Variants in PPFIA2 observed in about 807,000 individuals in gnomAD.
PPFIA2 encodes liprin-alpha-2.
In PPFIA2, 46 loss-of-function variants were observed where a neutral mutation model predicts 175.5. That is an observed-to-expected ratio of 0.26 (90% confidence interval 0.21 to 0.34). The LOEUF is 0.34. Ranked by LOEUF, PPFIA2 falls within the 10% of genes least tolerant of loss-of-function variation. The probability of loss-of-function intolerance (pLI) is 1.00; values close to 1 mark genes in which losing one functional copy is unlikely to be tolerated. For missense variants in PPFIA2, 1,179 were observed against 1,506.1 expected (o/e 0.78, Z 3.60); for synonymous variants, 568 against 511.4 (o/e 1.11, Z -1.49).
At chr12:81,376,395 C>G (rs905812990) in intron 9 of PPFIA2, among the ~76,000 whole-genome samples, 22 of 148,970 alleles carry the variant, frequency 1.5e-4, no homozygotes, top group African/African-American at 5.3e-4. Flanking sequence ...GAAAGAGGAA[C>G]TCTGTGGTTA....
chr12:81,489,124 A>G (rs1178627663), intron 4 of PPFIA2, among the ~76,000 whole-genome samples: 2 of 151,820 alleles, frequency 1.3e-5, no homozygotes, highest in East Asian at 3.9e-4. Flanking sequence ...AACTACAGTA[A>G]TTGGAATTAT....
chr12:81,691,768 G>A (rs766277117), intron 3 of PPFIA2, among the ~76,000 whole-genome samples: 50 of 152,076 alleles, frequency 3.3e-4, no homozygotes, highest in Non-Finnish European at 6.6e-4. Context: ...AAGGAGATAA[G>A]TAACTTTTGA....
chr12:81,285,852 T>C (rs2137242250), intron 24 of PPFIA2, among the ~76,000 whole-genome samples: 1 of 152,224 alleles, frequency 6.6e-6, no homozygotes, highest in African/African-American at 2.4e-5. Flanking sequence ...CCTCTACTTT[T>C]GTTTTTTAAA....
At chr12:81,290,631 A>G (rs1328427861) in intron 24 of PPFIA2, among the ~76,000 whole-genome samples, 1 of 151,884 alleles carries the variant, frequency 6.6e-6, no homozygotes. Context: ...ATTAATATAA[A>G]TACCAGATTA....
chr12:81,641,325 T>C (rs2064940154), intron 4 of PPFIA2, among the ~76,000 whole-genome samples: 2 of 152,196 alleles, frequency 1.3e-5, no homozygotes, highest in Non-Finnish European at 1.5e-5. Flanking sequence ...TTGATTATTA[T>C]CTCACCATAT....
At chr12:81,719,328 AAG>A (rs2079039332) in intron 3 of PPFIA2, among the ~76,000 whole-genome samples, 1 of 151,574 alleles carries the variant, frequency 6.6e-6, no homozygotes, top group Admixed American at 6.6e-5. Flanking sequence ...GTTTTCTTGA[AAG>A]AGAATTTCTT....
chr12:81,332,663 T>C (rs2056365587), intron 21 of PPFIA2, among the ~76,000 whole-genome samples: 1 of 152,222 alleles, frequency 6.6e-6, no homozygotes, highest in Admixed American at 6.5e-5. Flanking sequence ...AATAATCGTA[T>C]TTTTAATTTC....
At chr12:81,576,787 C>G (rs2073632981) in intron 4 of PPFIA2, among the ~76,000 whole-genome samples, 1 of 151,702 alleles carries the variant, frequency 6.6e-6, no homozygotes, top group Admixed American at 6.6e-5. Flanking sequence ...AATTGGAAAG[C>G]ATTTTAAAAC....
At chr12:81,473,146 G>A (rs545743263) in intron 4 of PPFIA2, among the ~76,000 whole-genome samples, 3 of 152,214 alleles carry the variant, frequency 2.0e-5, no homozygotes, top group African/African-American at 7.2e-5. Flanking sequence ...GGTGACTCAC[G>A]CCTGTAATCC....
chr12:81,289,162 C>T (rs1009724156), intron 24 of PPFIA2, among the ~76,000 whole-genome samples: 2 of 151,752 alleles, frequency 1.3e-5, no homozygotes, highest in African/African-American at 2.4e-5. Flanking sequence ...ACATGTAAAG[C>T]GCTTAGAACA....
In PPFIA2 at chr12:81,753,690, C is replaced by G. The variant is rs2084206659; in HGVS notation, c.249+283G>C. Among the ~76,000 whole-genome samples, 4 of 152,202 alleles carry G rather than the reference C, an allele frequency of 2.6e-5. No individual in the cohort carries two copies. The South Asian group carries it at 8.3e-4, about 32-fold the overall frequency. On this transcript the variant is annotated intron_variant, in intron 3 of 32. Coordinates refer to ENST00000549396, the MANE Select transcript of PPFIA2 (RefSeq NM_003625.5). ...ACATTCTGGTCATTAAAAGCTGATC[C>G]ACAAGTGGTTTTCTACCTCCCTAAA...
intron 22 of PPFIA2, among the ~76,000 whole-genome samples, chr12:81,305,378 T>G (rs2048896523): frequency 6.6e-6 from 1 of 152,182 alleles, no homozygotes; most frequent in Non-Finnish European, 1.5e-5. Flanking sequence ...ACTATATAAC[T>G]CAGTAAACAT....
At chr12:81,271,412 A>G (rs1356154071) in intron 28 of PPFIA2, among the ~76,000 whole-genome samples, 1 of 152,170 alleles carries the variant, frequency 6.6e-6, no homozygotes, top group Non-Finnish European at 1.5e-5. Context: ...CTGGGACTAC[A>G]GGCATGCGCC....
intron 3 of PPFIA2, among the ~76,000 whole-genome samples, chr12:81,719,049 A>G (rs548996501): frequency 2.0e-5 from 3 of 151,828 alleles, no homozygotes; most frequent in African/African-American, 7.2e-5. Flanking sequence ...ATAAAGAACA[A>G]AAAACTATTC....
intron 4 of PPFIA2, among the ~76,000 whole-genome samples, chr12:81,651,907 CAA>C (rs1348000111): frequency 1.3e-5 from 2 of 152,052 alleles, no homozygotes; most frequent in East Asian, 3.9e-4. Flanking sequence ...TGATTAATTA[CAA>C]AGAGGAGTTT....
chr12:81,282,083 T>C (rs1177360495), intron 26 of PPFIA2, among the ~76,000 whole-genome samples: 1 of 151,982 alleles, frequency 6.6e-6, no homozygotes, highest in Non-Finnish European at 1.5e-5. Flanking sequence ...CTAAGACAGA[T>C]AACCTAATTC....
At chr12:81,736,211 T>C (rs565387373) in intron 3 of PPFIA2, among the ~76,000 whole-genome samples, 1 of 152,176 alleles carries the variant, frequency 6.6e-6, no homozygotes, top group Non-Finnish European at 1.5e-5. Context: ...TCTCTACATT[T>C]GTTTAGATAT....
chr12:81,478,911 G>C (rs2057832403), intron 4 of PPFIA2, among the ~76,000 whole-genome samples: 1 of 152,154 alleles, frequency 6.6e-6, no homozygotes, highest in Non-Finnish European at 1.5e-5. Flanking sequence ...GGAGTGGAGA[G>C]TTCTGTGGAT....
intron 4 of PPFIA2, among the ~76,000 whole-genome samples, chr12:81,611,593 C>T (rs777854002): frequency 2.2e-4 from 34 of 152,086 alleles, no homozygotes; most frequent in African/African-American, 5.3e-4. Flanking sequence ...ACAGGCCCTG[C>T]GGGGGTCAGG....
Sources: gnomAD v4.1 joint callset for allele counts (sites outside exome capture counted in the v4.1 genomes callset) on GRCh38, gnomAD v4.1.1 for gene constraint, MANE v1.5 for transcripts, NCBI Gene and HGNC (gene_info 2026-07-23, HGNC 2026-07-21) for gene names.